The following STIM1 variants were observed in gnomAD, a reference collection of about 807,000 sequenced individuals.
STIM1 encodes the protein stromal interaction molecule 1.
STIM1 carries 25 observed loss-of-function variants against 74.7 expected under a neutral mutation model. The observed-to-expected ratio is 0.33, with a 90% CI of 0.24 to 0.47. STIM1 has a LOEUF of 0.47. Among genes scored for constraint, STIM1 ranks in the 20% least tolerant of loss-of-function variants. STIM1 has a pLI of 1.00. For missense variants in STIM1, 728 were observed against 920.8 expected (o/e 0.79, Z 2.71); for synonymous variants, 328 against 348.8 (o/e 0.94, Z 0.66).
At chr11:3,869,323 G>A (rs1343841459) in intron 1 of STIM1, among the ~76,000 whole-genome samples, 1 of 152,172 alleles carries the variant, frequency 6.6e-6, no homozygotes, top group African/African-American at 2.4e-5. Context: ...CATTATTTTA[G>A]TTAATCCTCA....
chr11:4,052,221 A>T (rs1379227332), intron 3 of STIM1, among the ~76,000 whole-genome samples: 1 of 152,228 alleles, frequency 6.6e-6, no homozygotes, highest in Non-Finnish European at 1.5e-5. Flanking sequence ...CCATCAAGCT[A>T]CCAATGAATT....
At chr11:3,948,335 A>G (rs932508993) in intron 1 of STIM1, among the ~76,000 whole-genome samples, 1 of 152,060 alleles carries the variant, frequency 6.6e-6, no homozygotes, top group South Asian at 2.1e-4. Flanking sequence ...CTAGGTGGTT[A>G]TTATCCAAGG....
At chr11:3,899,572 A>G in intron 1 of STIM1, among the ~76,000 whole-genome samples, 1 of 150,052 alleles carries the variant, frequency 6.7e-6, no homozygotes, top group East Asian at 2.0e-4. Context: ...GAGTGGTGAG[A>G]GAGGGCATCC....
At chr11:3,915,598 G>A (rs775848264) in intron 1 of STIM1, among the ~76,000 whole-genome samples, 2 of 151,756 alleles carry the variant, frequency 1.3e-5, no homozygotes, top group African/African-American at 4.8e-5. Context: ...GGGGTTTCAC[G>A]GTGTTAGCCA....
At chr11:4,086,578 AGCCGGGTATCTCTGCG>A in intron 12 of STIM1, 35 bp downstream of exon 12, 1 of 1,613,638 alleles carries the variant, frequency 6.2e-7, no homozygotes, top group Non-Finnish European at 8.5e-7. Context: ...CTTCTTGACA[AGCCGGGTATCTCTGCG>A]GCGAATGCGC....
intron 3 of STIM1, among the ~76,000 whole-genome samples, chr11:4,048,672 A>G (rs1439477322): frequency 6.6e-6 from 1 of 152,126 alleles, no homozygotes; most frequent in Non-Finnish European, 1.5e-5. Flanking sequence ...TTAACAAAGT[A>G]TAGAGATAAA....
At chr11:3,897,412 C>G (rs117079452) in intron 1 of STIM1, among the ~76,000 whole-genome samples, 2 of 152,208 alleles carry the variant, frequency 1.3e-5, no homozygotes, top group East Asian at 3.8e-4. Context: ...CAGGTATTCT[C>G]TACTACTTTT....
chr11:4,084,811 A>G (rs1365851134), intron 11 of STIM1, 46 bp downstream of exon 11: 14 of 1,274,316 alleles, frequency 1.1e-5, no homozygotes, highest in Non-Finnish European at 1.4e-5. Flanking sequence ...GACTTTCGGG[A>G]CTAAATCAAC....
At chr11:4,088,074 T>C (rs2094503635) in intron 12 of STIM1, among the ~76,000 whole-genome samples, 1 of 152,102 alleles carries the variant, frequency 6.6e-6, no homozygotes. Flanking sequence ...TGGATATTTT[T>C]GTCTTTTCAC....
chr11:3,997,137 C>G (rs1291998172), intron 2 of STIM1, among the ~76,000 whole-genome samples: 2 of 152,220 alleles, frequency 1.3e-5, no homozygotes, highest in Non-Finnish European at 2.9e-5. Context: ...AATGCTGCCT[C>G]TAGGATTTGA....
chr11:3,920,894 CA>C (rs1356967386), intron 1 of STIM1, among the ~76,000 whole-genome samples: 1 of 151,114 alleles, frequency 6.6e-6, no homozygotes, highest in Non-Finnish European at 1.5e-5. Context: ...CTTCTGGGTT[CA>C]AGTGATTCTC....
chr11:4,004,654 A>T (rs1369257555), intron 2 of STIM1, among the ~76,000 whole-genome samples: 1 of 151,202 alleles, frequency 6.6e-6, no homozygotes, highest in Non-Finnish European at 1.5e-5. Flanking sequence ...CCTAGGCATT[A>T]CCATTCAGGA....
chr11:4,023,295 C>G (rs570752572), intron 2 of STIM1, among the ~76,000 whole-genome samples: 13 of 152,214 alleles, frequency 8.5e-5, no homozygotes, highest in Middle Eastern at 6.8e-3. Flanking sequence ...CGCCACTGCA[C>G]TCCAGCCTGG....
chr11:3,948,687 A>C (rs1431128058), intron 1 of STIM1, among the ~76,000 whole-genome samples: 2 of 152,074 alleles, frequency 1.3e-5, no homozygotes. Context: ...TTCTTTTTAC[A>C]CTTATCTTCT....
chr11:3,904,176 G>A (rs1340514744), intron 1 of STIM1, among the ~76,000 whole-genome samples: 4 of 124,570 alleles, frequency 3.2e-5, no homozygotes, highest in Non-Finnish European at 3.3e-5. Context: ...CAGCCTGGGT[G>A]ACAGAGTGAG....
intron 1 of STIM1, among the ~76,000 whole-genome samples, chr11:3,878,404 G>C (rs1471344079): frequency 6.6e-6 from 1 of 151,962 alleles, no homozygotes; most frequent in African/African-American, 2.4e-5. Context: ...CACAAAGCTA[G>C]TTAATGATAA....
chr11:4,087,376 A>G (rs1399786357), intron 12 of STIM1, among the ~76,000 whole-genome samples: 8 of 152,240 alleles, frequency 5.3e-5, no homozygotes, highest in Admixed American at 5.2e-4. Flanking sequence ...ATGCTTCACC[A>G]AAGAGATGAA....
intron 7 of STIM1, among the ~76,000 whole-genome samples, chr11:4,076,054 A>T (rs1590692797): frequency 6.6e-6 from 1 of 151,776 alleles, no homozygotes; most frequent in Non-Finnish European, 1.5e-5. Flanking sequence ...TATATTTTGG[A>T]TATTAGTCTT....
At chr11:3,878,829 T>A (rs1463794902) in intron 1 of STIM1, among the ~76,000 whole-genome samples, 5 of 152,234 alleles carry the variant, frequency 3.3e-5, no homozygotes, top group African/African-American at 1.2e-4. Context: ...GCTAGCTGCG[T>A]CCTGCCCCAG....
Sources: allele counts gnomAD v4.1 joint callset (sites outside exome capture counted in the v4.1 genomes callset), GRCh38; gene constraint gnomAD v4.1.1; transcripts MANE v1.5; gene names NCBI Gene and HGNC (gene_info 2026-07-23, HGNC 2026-07-21).